BTD: variants seen among roughly 807,000 people sequenced by gnomAD.
BTD encodes biocytinase.
Under a neutral mutation model 17.7 loss-of-function variants are expected in BTD, and 13 were observed. The ratio of observed to expected loss-of-function variants is 0.74; its 90% CI spans 0.48 to 1.17. BTD has a LOEUF of 1.17. Among genes scored for constraint, BTD ranks in the 50% most tolerant of loss-of-function variants. BTD has a pLI of 0.00. For missense variants in BTD, 674 were observed against 650.4 expected (o/e 1.04, Z -0.39); for synonymous variants, 240 against 245.2 (o/e 0.98, Z 0.20).
intron 1 of BTD, among the ~76,000 whole-genome samples, chr3:15,620,873 A>G (rs930514124): frequency 1.1e-4 from 16 of 152,244 alleles, no homozygotes; most frequent in African/African-American, 3.9e-4. Context: ...ATTGGCTCAC[A>G]CAATTATGGA....
At position 15,651,575 on chromosome 3, in the gene BTD, A is replaced by C. The variant is rs1457432005; in HGVS notation, c.*6087A>C. Among the ~76,000 whole-genome samples, 1 of 152,224 alleles carries C rather than the reference A, an allele frequency of 6.6e-6. No individual in the cohort carries two copies. Among genetic ancestry groups the C allele is most frequent in the African/African-American group, 2.4e-5 (1 of 41,468 alleles). ...GCTGTGAGAGAGACAGCCAGACCGT[A>C]GCGGTGTGACAGGCAGAGAGCCAGG... On this transcript the variant is annotated 3_prime_UTR_variant, in exon 4 of 4. Transcript: ENST00000643237.
intron 3 of BTD, among the ~76,000 whole-genome samples, chr3:15,706,037 CA>C (rs1412019738): frequency 1.0e-5 from 1 of 97,732 alleles, no homozygotes; most frequent in East Asian, 2.3e-4. Context: ...AAAAAACCCA[CA>C]AAAACAAACA....
chr3:15,670,400 C>T, intron 3 of BTD: 2 of 1,613,906 alleles, frequency 1.2e-6, no homozygotes, highest in Non-Finnish European at 1.7e-6. Flanking sequence ...AGCTTCAAAG[C>T]TGACTGTTTT....
intron 3 of BTD, among the ~76,000 whole-genome samples, chr3:15,697,063 G>A (rs2069698104): frequency 6.6e-6 from 1 of 152,118 alleles, no homozygotes; most frequent in Non-Finnish European, 1.5e-5. Context: ...CAACGAACGA[G>A]TGCGTAAAGA....
chr3:15,693,447 T>G (rs1395148720), intron 3 of BTD, among the ~76,000 whole-genome samples: 1 of 151,982 alleles, frequency 6.6e-6, no homozygotes, highest in African/African-American at 2.4e-5. Context: ...AAATGAGAAT[T>G]TCTAAGGAAA....
intron 3 of BTD, among the ~76,000 whole-genome samples, chr3:15,679,046 C>A (rs1422773540): frequency 1.3e-5 from 2 of 152,158 alleles, no homozygotes; most frequent in Non-Finnish European, 2.9e-5. Context: ...GCAATCATAG[C>A]TCACTGTTGC....
rs138273870 is a variant in BTD at position 15,702,139 on chromosome 3, C to T, written c.400-7921C>T. Among the ~76,000 whole-genome samples the T allele has an allele frequency of 4.2e-3, 642 of 152,306 alleles. 1 individual carries two copies. Among genetic ancestry groups the T allele is most frequent in the East Asian group, 0.023 (118 of 5,192 alleles). Reference sequence around the variant, plus strand: ...TAACAAATGAAAAAGATTACTGACACTAAGTTAAATGACTTTTCCCAAATC... The same window carrying T: ...TAACAAATGAAAAAGATTACTGACATTAAGTTAAATGACTTTTCCCAAATC... On this transcript the variant is annotated intron_variant, in intron 3 of 3. Coordinates refer to the BTD transcript ENST00000672141.
At chr3:15,603,026 C>A (rs1426960986) in intron 1 of BTD, among the ~76,000 whole-genome samples, 4 of 152,098 alleles carry the variant, frequency 2.6e-5, no homozygotes, top group Admixed American at 2.0e-4. Flanking sequence ...GGGAACTGCC[C>A]TTTATAAAAC....
chr3:15,618,490 G>A (rs2064854658), intron 1 of BTD, among the ~76,000 whole-genome samples: 1 of 152,088 alleles, frequency 6.6e-6, no homozygotes, highest in African/African-American at 2.4e-5. Flanking sequence ...TATTTCATAT[G>A]TAGGGTACGA....
intron 3 of BTD, among the ~76,000 whole-genome samples, chr3:15,672,190 G>A (rs1167526387): frequency 6.7e-6 from 1 of 149,460 alleles, no homozygotes. Flanking sequence ...CTGTCACCCA[G>A]GCTGGAGTGC....
intron 3 of BTD, among the ~76,000 whole-genome samples, chr3:15,671,492 C>A (rs557471700): frequency 6.6e-6 from 1 of 152,122 alleles, no homozygotes. Context: ...AGTCGTTACA[C>A]CTTTCTTCTT....
chr3:15,700,261 C>A (rs1362986048), intron 3 of BTD, among the ~76,000 whole-genome samples: 1 of 152,032 alleles, frequency 6.6e-6, no homozygotes, highest in African/African-American at 2.4e-5. Flanking sequence ...AACATGTGGA[C>A]ACAGGGAGGG....
intron 1 of BTD, chr3:15,606,420 TTGA>T (rs1256366591): frequency 6.6e-6 from 1 of 152,220 alleles, no homozygotes; most frequent in Admixed American, 6.5e-5. Flanking sequence ...AGTAATACTG[TTGA>T]TTAATTTGGA....
At chr3:15,664,058 T>C (rs1311780063) in intron 3 of BTD, among the ~76,000 whole-genome samples, 2 of 152,182 alleles carry the variant, frequency 1.3e-5, no homozygotes, top group African/African-American at 2.4e-5. Flanking sequence ...CCTGCCACCA[T>C]GCCTGGCTAA....
upstream of BTD, chr3:15,601,448 A>G: frequency 6.2e-7 from 1 of 1,613,566 alleles, no homozygotes. Flanking sequence ...CGCTCTGCGA[A>G]GTTACTGTCC....
At chr3:15,674,916 A>G (rs2066776122) in intron 3 of BTD, among the ~76,000 whole-genome samples, 1 of 152,128 alleles carries the variant, frequency 6.6e-6, no homozygotes, top group African/African-American at 2.4e-5. Flanking sequence ...TGATGGGAAC[A>G]GTTTTGCTAT....
chr3:15,714,534 A>AG, downstream of BTD: 3 of 1,344,666 alleles, frequency 2.2e-6, no homozygotes. Flanking sequence ...ACATTTAAGA[A>AG]AAAAAAAAAA....
chr3:15,711,588 A>T (rs750536994), exon 4 of BTD, among the ~76,000 whole-genome samples: 1 of 152,248 alleles, frequency 6.6e-6, no homozygotes, highest in South Asian at 2.1e-4. Context: ...CAAATTTTAT[A>T]GAGATGAAAA....
At chr3:15,626,823 A>G (rs1027225501) in intron 1 of BTD, among the ~76,000 whole-genome samples, 1 of 151,440 alleles carries the variant, frequency 6.6e-6, no homozygotes, top group African/African-American at 2.4e-5. Context: ...AAGCTATAGG[A>G]CATAGGGGAG....
Sources: gnomAD v4.1 joint callset for allele counts (sites outside exome capture counted in the v4.1 genomes callset) on GRCh38, gnomAD v4.1.1 for gene constraint, MANE v1.5 for transcripts, NCBI Gene and HGNC (gene_info 2026-07-23, HGNC 2026-07-21) for gene names.